AFG2A: variants seen among roughly 807,000 people sequenced by gnomAD.
AFG2A encodes the protein ATPase family gene 2 protein homolog A.
the AFG2A span, among the ~76,000 whole-genome samples, chr4:122,946,849 A>G: frequency 6.6e-6 from 1 of 152,120 alleles, no homozygotes; most frequent in Non-Finnish European, 1.5e-5. Context: ...CTGACTTTCA[A>G]GTAGGGGAAA....
chr4:123,058,814 G>T, the AFG2A span, among the ~76,000 whole-genome samples: 1 of 24,908 alleles, frequency 4.0e-5, no homozygotes, highest in Non-Finnish European at 1.6e-4. Context: ...ATATCATTCC[G>T]CCCCGGCCCC....
At chr4:123,142,222 TAG>T in the AFG2A span, among the ~76,000 whole-genome samples, 5 of 152,152 alleles carry the variant, frequency 3.3e-5, no homozygotes, top group Non-Finnish European at 7.4e-5. Context: ...CCTTATTACA[TAG>T]AGTTACTCAT....
At chr4:122,951,849 A>G in the AFG2A span, among the ~76,000 whole-genome samples, 5 of 152,156 alleles carry the variant, frequency 3.3e-5, no homozygotes, top group South Asian at 6.2e-4. Context: ...GGCCCTGTCT[A>G]TCCTGTATGA....
the AFG2A span, among the ~76,000 whole-genome samples, chr4:123,213,659 G>C: frequency 0.045 from 6,818 of 152,156 alleles, 504 homozygotes; most frequent in African/African-American, 0.15. Context: ...ATTTTAAAAA[G>C]AACTATTTAG....
At chr4:123,195,965 C>A in the AFG2A span, among the ~76,000 whole-genome samples, 6,755 of 151,508 alleles carry the variant, frequency 0.045, 227 homozygotes, top group South Asian at 0.1. Context: ...CTTCCTCATC[C>A]TTCCATTCAT....
the AFG2A span, among the ~76,000 whole-genome samples, chr4:123,243,039 A>G: frequency 1.3e-5 from 2 of 152,252 alleles, no homozygotes; most frequent in Non-Finnish European, 2.9e-5. Context: ...AATCAAAACC[A>G]CAATGAGATA....
the AFG2A span, among the ~76,000 whole-genome samples, chr4:123,217,520 T>C: frequency 6.6e-6 from 1 of 152,194 alleles, no homozygotes; most frequent in African/African-American, 2.4e-5. Context: ...TTTTTAGGTA[T>C]ATACAGAGGA....
At chr4:123,099,511 T>G in the AFG2A span, among the ~76,000 whole-genome samples, 1 of 151,746 alleles carries the variant, frequency 6.6e-6, no homozygotes, top group Non-Finnish European at 1.5e-5. Flanking sequence ...TAATTCATTT[T>G]GAGTTGAATG....
At chr4:123,064,708 C>T in the AFG2A span, among the ~76,000 whole-genome samples, 4 of 152,168 alleles carry the variant, frequency 2.6e-5, no homozygotes, top group African/African-American at 9.7e-5. Flanking sequence ...TTGTCCAGGA[C>T]ATTTCATAGG....
chr4:123,024,756 G>A, the AFG2A span, among the ~76,000 whole-genome samples: 1 of 152,120 alleles, frequency 6.6e-6, no homozygotes, highest in Non-Finnish European at 1.5e-5. Context: ...TGATGTCATC[G>A]AGCACCCCGG....
At chr4:122,944,124 T>C in the AFG2A span, among the ~76,000 whole-genome samples, 1 of 152,216 alleles carries the variant, frequency 6.6e-6, no homozygotes, top group Non-Finnish European at 1.5e-5. Context: ...TTGGAATTGC[T>C]CTTCTCGAGG....
chr4:123,075,580 C>T, the AFG2A span, among the ~76,000 whole-genome samples: 2 of 151,994 alleles, frequency 1.3e-5, no homozygotes, highest in Non-Finnish European at 2.9e-5. Context: ...TTTACCCATT[C>T]TTAAATTAAC....
chr4:123,165,615 A>G, the AFG2A span, among the ~76,000 whole-genome samples: 1 of 152,106 alleles, frequency 6.6e-6, no homozygotes, highest in Non-Finnish European at 1.5e-5. Flanking sequence ...TTTTAAAAAT[A>G]TGGCTACTCA....
the AFG2A span, among the ~76,000 whole-genome samples, chr4:123,266,670 T>A: frequency 6.6e-6 from 1 of 151,932 alleles, no homozygotes; most frequent in South Asian, 2.1e-4. Context: ...ATGTATACTA[T>A]TTTTTACTTT....
the AFG2A span, among the ~76,000 whole-genome samples, chr4:123,062,249 T>G: frequency 6.4e-4 from 98 of 152,314 alleles, 1 homozygote; most frequent in African/African-American, 2.3e-3. Flanking sequence ...ACTGAGAAAT[T>G]CAGTCATTAG....
chr4:123,250,181 T>A, the AFG2A span, among the ~76,000 whole-genome samples: 1 of 152,146 alleles, frequency 6.6e-6, no homozygotes, highest in Non-Finnish European at 1.5e-5. Context: ...GAGCATTTGA[T>A]AGAACATGAA....
At chr4:123,133,950 T>C in the AFG2A span, among the ~76,000 whole-genome samples, 1 of 152,190 alleles carries the variant, frequency 6.6e-6, no homozygotes, top group Non-Finnish European at 1.5e-5. Flanking sequence ...TGAAGTTCTT[T>C]CCAGTTTTTA....
chr4:123,039,193 A>G, the AFG2A span, among the ~76,000 whole-genome samples: 61 of 152,248 alleles, frequency 4.0e-4, no homozygotes, highest in Admixed American at 2.4e-3. Context: ...AGCAGTATAT[A>G]TACATTCAGT....
chr4:123,084,590 A>ATGTGTGTGTG, the AFG2A span, among the ~76,000 whole-genome samples: 2 of 143,226 alleles, frequency 1.4e-5, no homozygotes, highest in Admixed American at 7.0e-5. Flanking sequence ...GTATATATAT[A>ATGTGTGTGTG]TGTGTGTGTG....
Sources: gnomAD v4.1 joint callset for allele counts (sites outside exome capture counted in the v4.1 genomes callset) on GRCh38, gnomAD v4.1.1 for gene constraint, MANE v1.5 for transcripts, NCBI Gene and HGNC (gene_info 2026-07-23, HGNC 2026-07-21) for gene names.